ABLIM1: variants seen among roughly 807,000 people sequenced by gnomAD.
The protein encoded by ABLIM1 is actin binding LIM protein 1.
Under a neutral mutation model 107.0 loss-of-function variants are expected in ABLIM1, and 40 were observed. That is an observed-to-expected ratio of 0.37 (90% CI 0.29 to 0.49). The LOEUF (loss-of-function observed/expected upper bound fraction) is 0.49, where lower values mean the gene tolerates loss of function less well. ABLIM1 is among the 20% of genes least tolerant of loss of function. The pLI is 0.97. For synonymous variants in ABLIM1, 357 were observed against 357.3 expected, an observed-to-expected ratio of 1.00 and a Z score of 0.01; for missense variants, 857 against 1,008.5, an observed-to-expected ratio of 0.85 and a Z score of 2.04.
chr10:114,718,959 G>T (rs914059338), intron 1 of ABLIM1, among the ~76,000 whole-genome samples: 1 of 152,154 alleles, frequency 6.6e-6, no homozygotes, highest in Non-Finnish European at 1.5e-5. Context: ...TATAAGTGGG[G>T]CCTATAGTCA....
chr10:114,491,523 C>T (rs566320902), intron 7 of ABLIM1, among the ~76,000 whole-genome samples: 57 of 152,216 alleles, frequency 3.7e-4, no homozygotes, highest in African/African-American at 1.3e-3. Context: ...CCCTCACATC[C>T]GAGCCATCAA....
At chr10:114,693,578 A>C (rs2081131012) in intron 1 of ABLIM1, among the ~76,000 whole-genome samples, 1 of 152,206 alleles carries the variant, frequency 6.6e-6, no homozygotes, top group Non-Finnish European at 1.5e-5. Flanking sequence ...CAGCCATATA[A>C]GCGCAGGCTT....
chr10:114,534,325 TG>T (rs1227374440), intron 6 of ABLIM1, among the ~76,000 whole-genome samples: 3 of 152,158 alleles, frequency 2.0e-5, no homozygotes, highest in African/African-American at 7.2e-5. Flanking sequence ...GACATCATTT[TG>T]GTGCCCAGAA....
At chr10:114,535,248 A>G (rs527814257) in intron 6 of ABLIM1, among the ~76,000 whole-genome samples, 1 of 152,210 alleles carries the variant, frequency 6.6e-6, no homozygotes, top group East Asian at 1.9e-4. Context: ...TGCAGTGGTA[A>G]CCTCTCGCCA....
chr10:114,611,283 A>G (rs1161704584), intron 1 of ABLIM1, among the ~76,000 whole-genome samples: 1 of 152,194 alleles, frequency 6.6e-6, no homozygotes, highest in African/African-American at 2.4e-5. Context: ...CCTGGCCAAC[A>G]TGGCAAAACC....
chr10:114,445,661 C>A (rs571418095), intron 15 of ABLIM1, among the ~76,000 whole-genome samples: 1 of 152,332 alleles, frequency 6.6e-6, no homozygotes, highest in South Asian at 2.1e-4. Context: ...GGCCTCCCTG[C>A]TCCATTAGAA....
intron 6 of ABLIM1, among the ~76,000 whole-genome samples, chr10:114,510,944 C>G (rs1008219088): frequency 3.3e-5 from 5 of 152,026 alleles, no homozygotes; most frequent in African/African-American, 1.2e-4. Context: ...AGCCATTGTG[C>G]CCTGCCACAG....
intron 1 of ABLIM1, among the ~76,000 whole-genome samples, chr10:114,725,877 C>G (rs573501107): frequency 1.3e-5 from 2 of 151,820 alleles, no homozygotes; most frequent in East Asian, 1.9e-4. Context: ...CTCAGAGCAG[C>G]TGGAACTACA....
At chr10:114,718,085 G>GGAAA (rs1328630379) in intron 1 of ABLIM1, among the ~76,000 whole-genome samples, 1 of 86,926 alleles carries the variant, frequency 1.2e-5, no homozygotes, top group Non-Finnish European at 2.8e-5. Flanking sequence ...AAGGAAGGAA[G>GGAAA]GAAGGAAGGA....
chr10:114,556,194 T>A (rs1453081447), intron 4 of ABLIM1, among the ~76,000 whole-genome samples: 2 of 152,154 alleles, frequency 1.3e-5, no homozygotes, highest in African/African-American at 4.8e-5. Flanking sequence ...TCTTGTGTAA[T>A]AAAATGGTGG....
At chr10:114,479,830 T>C (rs1448613023) in intron 8 of ABLIM1, among the ~76,000 whole-genome samples, 2 of 152,252 alleles carry the variant, frequency 1.3e-5, no homozygotes, top group African/African-American at 2.4e-5. Flanking sequence ...TTGAAACATC[T>C]AGAATTCCAA....
chr10:114,446,120 T>C (rs900050017), intron 15 of ABLIM1, among the ~76,000 whole-genome samples: 5 of 152,222 alleles, frequency 3.3e-5, no homozygotes, highest in Non-Finnish European at 5.9e-5. Context: ...TACCAACAGA[T>C]AGGTAAGATA....
intron 1 of ABLIM1, among the ~76,000 whole-genome samples, chr10:114,729,747 T>C (rs1489377909): frequency 1.3e-5 from 2 of 152,162 alleles, no homozygotes; most frequent in Non-Finnish European, 2.9e-5. Flanking sequence ...CTAATGGTTT[T>C]GCCTGTGGTC....
intron 2 of ABLIM1, among the ~76,000 whole-genome samples, chr10:114,599,254 C>G (rs182580287): frequency 6.6e-6 from 1 of 152,186 alleles, no homozygotes; most frequent in Non-Finnish European, 1.5e-5. Context: ...AACAAAAACT[C>G]AACTTTTCAA....
At chr10:114,739,309 G>C (rs986151361) in intron 1 of ABLIM1, among the ~76,000 whole-genome samples, 8 of 152,192 alleles carry the variant, frequency 5.3e-5, no homozygotes, top group African/African-American at 1.7e-4. Context: ...GGTGGAGTGA[G>C]AGAAGCTGGG....
At chr10:114,730,756 C>T (rs1012938387) in intron 1 of ABLIM1, among the ~76,000 whole-genome samples, 8 of 152,064 alleles carry the variant, frequency 5.3e-5, no homozygotes, top group African/African-American at 1.9e-4. Flanking sequence ...TCACTACTAC[C>T]TAATTCTGTA....
chr10:114,764,509 T>C (rs972097710), intron 1 of ABLIM1, among the ~76,000 whole-genome samples: 2 of 152,032 alleles, frequency 1.3e-5, no homozygotes, highest in African/African-American at 4.8e-5. Flanking sequence ...GCCCGGCTAA[T>C]TTTTGTATTT....
At chr10:114,450,096 T>G (rs1219677455) in intron 14 of ABLIM1, 1 of 401,718 alleles carries the variant, frequency 2.5e-6, no homozygotes, top group African/African-American at 2.2e-5. Flanking sequence ...CTGAGAATTT[T>G]ATTCTTAAAT....
At chr10:114,500,644 A>G (rs924675602) in intron 6 of ABLIM1, among the ~76,000 whole-genome samples, 2 of 147,936 alleles carry the variant, frequency 1.4e-5, no homozygotes, top group East Asian at 2.0e-4. Flanking sequence ...GCACCACTGC[A>G]CTCCAGCCCA....
Sources: gnomAD v4.1 joint callset for allele counts (sites outside exome capture counted in the v4.1 genomes callset) on GRCh38, gnomAD v4.1.1 for gene constraint, MANE v1.5 for transcripts, NCBI Gene and HGNC (gene_info 2026-07-23, HGNC 2026-07-21) for gene names.